Variants in MSRA observed in about 807,000 individuals in gnomAD.
MSRA encodes mitochondrial peptide methionine sulfoxide reductase.
In MSRA, 54 loss-of-function variants were observed where a neutral mutation model predicts 31.3. The ratio of observed to expected loss-of-function variants is 1.73; its 90% CI spans 1.39 to 2.17. MSRA has a LOEUF of 2.17. MSRA is among the 30% of genes most tolerant of loss of function. The pLI is 0.00. For missense variants in MSRA, 507 were observed against 300.9 expected (o/e 1.69, Z -5.07); for synonymous variants, 169 against 116.5 (o/e 1.45, Z -2.90).
At chr8:10,360,129 G>T (rs531396825) in intron 5 of MSRA, among the ~76,000 whole-genome samples, 1 of 152,312 alleles carries the variant, frequency 6.6e-6, no homozygotes, top group East Asian at 1.9e-4. Flanking sequence ...TGCGTGTGCT[G>T]CTGCTGCTGG....
chr8:10,314,117 C>T (rs1273779673), intron 4 of MSRA, among the ~76,000 whole-genome samples: 1 of 151,978 alleles, frequency 6.6e-6, no homozygotes, highest in African/African-American at 2.4e-5. Flanking sequence ...CACAAAAGCA[C>T]TAACCGTAAA....
At chr8:10,389,338 G>A (rs1806589847) in intron 5 of MSRA, among the ~76,000 whole-genome samples, 1 of 152,232 alleles carries the variant, frequency 6.6e-6, no homozygotes, top group South Asian at 2.1e-4. Flanking sequence ...GAGGCATGGT[G>A]AGAAGCTTTG....
At chr8:10,303,962 G>A (rs924251690) in intron 4 of MSRA, among the ~76,000 whole-genome samples, 6 of 152,034 alleles carry the variant, frequency 3.9e-5, no homozygotes, top group Admixed American at 1.3e-4. Flanking sequence ...TTGAGACTGA[G>A]TCTTAATCCT....
Position 10,410,414 on chromosome 8 carries a change from T to A in MSRA, c.544-17734T>A, listed in dbSNP as rs570643128. The stretch of plus-strand genomic sequence containing the variant: ...CCTACTTCTTTGGGCATAACCCCCA[T>A]CACCTCATAATTCCCACAGTGTGAC... On this transcript the variant is annotated intron_variant, in intron 5 of 5. Coordinates refer to ENST00000317173, the MANE Select transcript of MSRA (RefSeq NM_012331.5). Among the ~76,000 whole-genome samples the A allele has an allele frequency of 2.0e-5, 3 of 152,316 alleles. No homozygotes were observed. In the East Asian group the frequency reaches 5.8e-4, roughly 29 times the overall value.
intron 3 of MSRA, among the ~76,000 whole-genome samples, chr8:10,300,510 C>T (rs1460140161): frequency 6.6e-6 from 1 of 152,086 alleles, no homozygotes; most frequent in African/African-American, 2.4e-5. Flanking sequence ...CCTGCCTTGG[C>T]CTCCCAAAGT....
intron 5 of MSRA, among the ~76,000 whole-genome samples, chr8:10,341,705 A>G (rs1368175139): frequency 1.3e-5 from 2 of 152,144 alleles, no homozygotes; most frequent in Admixed American, 1.3e-4. Flanking sequence ...AATCTATAAA[A>G]TGTAGCTAAT....
intron 5 of MSRA, among the ~76,000 whole-genome samples, chr8:10,402,793 G>A (rs527930484): frequency 3.9e-5 from 6 of 152,328 alleles, no homozygotes; most frequent in Admixed American, 3.3e-4. Flanking sequence ...TATTTGCTTT[G>A]CAATGTGGAA....
At chr8:10,210,882 C>A (rs1019559603) in intron 2 of MSRA, among the ~76,000 whole-genome samples, 3 of 151,650 alleles carry the variant, frequency 2.0e-5, no homozygotes, top group Non-Finnish European at 1.5e-5. Context: ...TACAGGTGTG[C>A]ATCACCACGC....
chr8:10,339,273 G>A (rs1038048437), intron 5 of MSRA, among the ~76,000 whole-genome samples: 2 of 152,184 alleles, frequency 1.3e-5, no homozygotes, highest in Non-Finnish European at 2.9e-5. Context: ...TGAGCATGGA[G>A]ACAGGCCCTT....
At chr8:10,262,136 A>T (rs1209698265) in intron 3 of MSRA, among the ~76,000 whole-genome samples, 1 of 152,216 alleles carries the variant, frequency 6.6e-6, no homozygotes, top group Non-Finnish European at 1.5e-5. Flanking sequence ...TCTTGAAATA[A>T]TTGCAGTTGC....
chr8:10,283,206 C>T (rs1001393177), intron 3 of MSRA, among the ~76,000 whole-genome samples: 1 of 145,652 alleles, frequency 6.9e-6, no homozygotes, highest in East Asian at 2.0e-4. Context: ...GCAGAAGTTA[C>T]CATTCCAATA....
At chr8:10,346,397 C>T (rs551792130) in intron 5 of MSRA, among the ~76,000 whole-genome samples, 2 of 152,184 alleles carry the variant, frequency 1.3e-5, no homozygotes, top group African/African-American at 2.4e-5. Context: ...AGTGTAAACA[C>T]CCTCCCCCAC....
chr8:10,416,332 G>A lies in MSRA; in HGVS notation c.544-11816G>A, dbSNP rs1049991983. On this transcript the variant is annotated intron_variant, in intron 5 of 5. Transcript: ENST00000317173. The stretch of plus-strand genomic sequence containing the variant: ...CTTCACAGAGAAATCTGCTCGCTTC[G>A]GCTGAACTGTGCTGACTTCCCAACC... 2.0e-5 allele frequency among the ~76,000 whole-genome samples: 3 copies of A among 152,166 alleles called. No homozygotes were observed. The East Asian group carries it at 5.8e-4, about 29-fold the overall frequency.
intron 1 of MSRA, among the ~76,000 whole-genome samples, chr8:10,079,437 G>A (rs1188855110): frequency 3.3e-5 from 5 of 152,116 alleles, no homozygotes; most frequent in Non-Finnish European, 5.9e-5. Flanking sequence ...TTACAGGTGT[G>A]AGCCACCACA....
At chr8:10,415,758 A>G (rs1338864462) in intron 5 of MSRA, among the ~76,000 whole-genome samples, 4 of 149,708 alleles carry the variant, frequency 2.7e-5, no homozygotes, top group Non-Finnish European at 5.9e-5. Context: ...ATTACCCCCA[A>G]CCCCCAGCCT....
intron 5 of MSRA, among the ~76,000 whole-genome samples, chr8:10,400,899 T>G (rs1328412763): frequency 1.3e-5 from 2 of 152,162 alleles, no homozygotes; most frequent in South Asian, 2.1e-4. Flanking sequence ...GACCTAAATA[T>G]AAGAGCTAAA....
At chr8:10,397,133 GGGCTTCACCTTTGTCTCCC>G (rs1685960971) in intron 5 of MSRA, among the ~76,000 whole-genome samples, 1 of 152,146 alleles carries the variant, frequency 6.6e-6, no homozygotes, top group Non-Finnish European at 1.5e-5. Context: ...CCGCAGGTGT[GGGCTTCACCTTTGTCTCCC>G]GGCTTGACCT....
At chr8:10,200,014 C>G (rs1808358491) in intron 1 of MSRA, among the ~76,000 whole-genome samples, 1 of 152,216 alleles carries the variant, frequency 6.6e-6, no homozygotes, top group African/African-American at 2.4e-5. Context: ...CTGGCCTGTT[C>G]TGCCCATCCT....
At chr8:10,277,941 C>A (rs1175093139) in intron 3 of MSRA, among the ~76,000 whole-genome samples, 5 of 152,022 alleles carry the variant, frequency 3.3e-5, no homozygotes, top group African/African-American at 1.2e-4. Context: ...AATAAAAATA[C>A]CTATGAAGGA....
Sources: gnomAD v4.1 joint callset for allele counts (sites outside exome capture counted in the v4.1 genomes callset) on GRCh38, gnomAD v4.1.1 for gene constraint, MANE v1.5 for transcripts, NCBI Gene and HGNC (gene_info 2026-07-23, HGNC 2026-07-21) for gene names.